Variants in PDE4D observed in about 807,000 individuals in gnomAD.
The protein encoded by PDE4D is phosphodiesterase 4D.
A neutral mutation model predicts 87.4 loss-of-function variants in PDE4D; 24 were observed. The observed-to-expected ratio is 0.27, with a 90% CI of 0.20 to 0.39. The LOEUF (loss-of-function observed/expected upper bound fraction) is 0.39, where lower values mean the gene tolerates loss of function less well. Among genes scored for constraint, PDE4D ranks in the 10% least tolerant of loss-of-function variants. The pLI, the probability that PDE4D is intolerant of heterozygous loss-of-function variation, is 1.00. For missense variants in PDE4D, 714 were observed against 1,041.0 expected (o/e 0.69, Z 4.32); for synonymous variants, 384 against 383.2 (o/e 1.00, Z -0.02).
At chr5:59,485,710 C>T (rs1805016139) in intron 1 of PDE4D, among the ~76,000 whole-genome samples, 1 of 152,090 alleles carries the variant, frequency 6.6e-6, no homozygotes, top group Non-Finnish European at 1.5e-5. Flanking sequence ...TCTCTAAATG[C>T]TTTCATTTTG....
intron 1 of PDE4D, among the ~76,000 whole-genome samples, chr5:59,251,668 A>G (rs564928460): frequency 1.3e-5 from 2 of 152,288 alleles, no homozygotes; most frequent in South Asian, 4.1e-4. Flanking sequence ...ATGCAATCCT[A>G]TTACTGGGCA....
intron 5 of PDE4D, among the ~76,000 whole-genome samples, chr5:59,060,674 G>C (rs1434549521): frequency 6.6e-6 from 1 of 152,098 alleles, no homozygotes; most frequent in African/African-American, 2.4e-5. Flanking sequence ...TTAAGAAGAA[G>C]TATGTTCACA....
At chr5:59,596,342 A>C (rs1826679736) in intron 1 of PDE4D, among the ~76,000 whole-genome samples, 1 of 151,766 alleles carries the variant, frequency 6.6e-6, no homozygotes, top group South Asian at 2.1e-4. Context: ...AATACAAAAA[A>C]AAAAAGAAAC....
At chr5:59,568,392 T>C (rs929991547) in intron 1 of PDE4D, among the ~76,000 whole-genome samples, 1 of 152,214 alleles carries the variant, frequency 6.6e-6, no homozygotes, top group African/African-American at 2.4e-5. Flanking sequence ...TGGAGAAGAA[T>C]TGCAAATATT....
At chr5:59,671,953 A>T (rs1747283191) in intron 1 of PDE4D, among the ~76,000 whole-genome samples, 1 of 152,136 alleles carries the variant, frequency 6.6e-6, no homozygotes, top group Non-Finnish European at 1.5e-5. Flanking sequence ...TTCATTTTCT[A>T]GGAGAACTGA....
rs186340342 is a variant in PDE4D at position 59,836,181 on chromosome 5, A to G, written c.455+56987T>C. On this transcript the variant is annotated intron_variant, in intron 1 of 14. Coordinates refer to ENST00000340635, the MANE Select transcript of PDE4D (RefSeq NM_001104631.2). ...CATTGTCATCATCATCACCATCACC[A>G]TCTTCACCATCAGTATCATTATTAC... is the stretch of plus-strand genomic sequence containing the variant. Among the ~76,000 whole-genome samples the G allele has an allele frequency of 2.5e-4, 38 of 152,120 alleles. 1 individual carries two copies. The East Asian group carries it at 6.6e-3, about 26-fold the overall frequency.
Position 60,076,219 on chromosome 5 carries a change from T to G in PDE4D, c.43-87502A>C, listed in dbSNP as rs1055733691. Among the ~76,000 whole-genome samples the G allele has an allele frequency of 2.0e-5, 3 of 151,966 alleles. No individual in the cohort carries two copies. The East Asian group carries it at 5.8e-4, about 29-fold the overall frequency. On this transcript the variant is annotated intron_variant, in intron 2 of 16. Coordinates refer to the PDE4D transcript ENST00000502484. ...TGTTGCCCAGTCTGGAGTGCAGTGG[T>G]GCAGTCTCGGCTCACTGCAAGCTCC...
chr5:59,177,744 T>A (rs142140082), intron 5 of PDE4D, among the ~76,000 whole-genome samples: 18 of 152,282 alleles, frequency 1.2e-4, no homozygotes, highest in African/African-American at 4.1e-4. Flanking sequence ...GGATCAGCCA[T>A]GAACTTAACT....
intron 5 of PDE4D, among the ~76,000 whole-genome samples, chr5:59,086,585 A>ACATTG (rs1207650955): frequency 6.6e-6 from 1 of 152,124 alleles, no homozygotes; most frequent in Non-Finnish European, 1.5e-5. Flanking sequence ...CATTGTGCTG[A>ACATTG]AAACCCCAGC....
At chr5:59,122,351 A>C (rs1377752608) in intron 5 of PDE4D, among the ~76,000 whole-genome samples, 4 of 152,152 alleles carry the variant, frequency 2.6e-5, no homozygotes, top group Admixed American at 6.5e-5. Flanking sequence ...GGGGCTAAAA[A>C]ACTTGAACTC....
chr5:60,469,041 T>C (rs1441005723), intron 1 of PDE4D, among the ~76,000 whole-genome samples: 1 of 152,152 alleles, frequency 6.6e-6, no homozygotes, highest in Non-Finnish European at 1.5e-5. Context: ...TTTTCCTTCC[T>C]TTTATTGCCA....
At chr5:60,356,525 C>T (rs1759638899) in intron 1 of PDE4D, among the ~76,000 whole-genome samples, 1 of 152,106 alleles carries the variant, frequency 6.6e-6, no homozygotes, top group South Asian at 2.1e-4. Flanking sequence ...CTGTGTTTTT[C>T]TCTGGCTACA....
At chr5:60,055,786 C>A (rs1013504945) in intron 2 of PDE4D, among the ~76,000 whole-genome samples, 3 of 152,038 alleles carry the variant, frequency 2.0e-5, no homozygotes, top group African/African-American at 4.8e-5. Flanking sequence ...AGAGCCTATG[C>A]TCTTAACCAC....
chr5:59,166,368 A>C (rs1312638709), intron 5 of PDE4D: 1 of 152,162 alleles, frequency 6.6e-6, no homozygotes, highest in African/African-American at 2.4e-5. Flanking sequence ...TCTTAGATAC[A>C]TTGGCCTTCT....
At chr5:60,306,373 T>TA (rs1229501168) in intron 1 of PDE4D, among the ~76,000 whole-genome samples, 1 of 151,982 alleles carries the variant, frequency 6.6e-6, no homozygotes, top group Non-Finnish European at 1.5e-5. Flanking sequence ...CTCATCATTT[T>TA]AAAAATTGAA....
chr5:60,467,101 G>A (rs1461409022), intron 1 of PDE4D, among the ~76,000 whole-genome samples: 15 of 151,758 alleles, frequency 9.9e-5, no homozygotes, highest in East Asian at 7.7e-4. Flanking sequence ...GTGCAGTGGC[G>A]TGATCTCTGC....
At chr5:59,401,889 T>C (rs1790714753) in intron 1 of PDE4D, among the ~76,000 whole-genome samples, 1 of 152,222 alleles carries the variant, frequency 6.6e-6, no homozygotes, top group Non-Finnish European at 1.5e-5. Context: ...CTAAGCTGAA[T>C]GAATAGCATG....
intron 2 of PDE4D, among the ~76,000 whole-genome samples, chr5:59,195,165 T>C (rs1248874360): frequency 6.6e-6 from 1 of 152,200 alleles, no homozygotes; most frequent in Admixed American, 6.5e-5. Flanking sequence ...TTCTTTTCTA[T>C]ATAAATTACC....
intron 1 of PDE4D, among the ~76,000 whole-genome samples, chr5:60,321,121 A>C (rs1756223392): frequency 6.6e-6 from 1 of 152,228 alleles, no homozygotes; most frequent in African/African-American, 2.4e-5. Flanking sequence ...GAATAAAGCT[A>C]GAGGCATCGT....
Sources: allele counts gnomAD v4.1 joint callset (sites outside exome capture counted in the v4.1 genomes callset), GRCh38; gene constraint gnomAD v4.1.1; transcripts MANE v1.5; gene names NCBI Gene and HGNC (gene_info 2026-07-23, HGNC 2026-07-21).